The following NCR2 variants were observed in gnomAD, a reference collection of about 807,000 sequenced individuals.
The protein encoded by NCR2 is natural cytotoxicity triggering receptor 2.
Under a neutral mutation model 30.7 loss-of-function variants are expected in NCR2, and 35 were observed. The observed-to-expected ratio is 1.14, with a 90% CI of 0.87 to 1.51. NCR2 has a LOEUF of 1.51. Ranked by LOEUF, NCR2 falls within the 40% of genes most tolerant of loss-of-function variation. The pLI is 0.00. For synonymous variants in NCR2, 146 were observed against 134.8 expected (o/e 1.08, Z -0.58); for missense variants, 316 against 328.9 (o/e 0.96, Z 0.30).
At chr6:41,347,440 G>A (rs1478069063) in intron 4 of NCR2, among the ~76,000 whole-genome samples, 6 of 152,154 alleles carry the variant, frequency 3.9e-5, no homozygotes, top group African/African-American at 9.7e-5. Context: ...CTTCTCTCTT[G>A]AAGCCACTCC....
chr6:41,342,291 A>C (rs2114057306), intron 4 of NCR2, 142 bp downstream of exon 4: 1 of 1,163,182 alleles, frequency 8.6e-7, no homozygotes, highest in East Asian at 2.6e-5. Flanking sequence ...GCCCTCATGG[A>C]GTCCATCCAT....
intron 4 of NCR2, among the ~76,000 whole-genome samples, chr6:41,348,961 A>C (rs1769367052): frequency 6.6e-6 from 1 of 151,814 alleles, no homozygotes; most frequent in Non-Finnish European, 1.5e-5. Context: ...TCTATGAAGC[A>C]CGCACCCTTA....
intron 4 of NCR2, 112 bp downstream of exon 4, chr6:41,342,261 G>A: frequency 7.0e-7 from 1 of 1,419,510 alleles, no homozygotes; most frequent in Non-Finnish European, 9.5e-7. Flanking sequence ...ATTATAATCG[G>A]CAGAGCTCTC....
intron 2 of NCR2, 58 bp from the exon 3 acceptor site, chr6:41,341,736 C>T (rs1261485537): frequency 6.5e-6 from 10 of 1,549,086 alleles, no homozygotes; most frequent in Admixed American, 1.9e-5. Context: ...GCTCTCCTGC[C>T]GGCAGGCACA....
Position 41,336,428 on chromosome 6 carries a change from G to A in NCR2, c.394G>A (p.Ala132Thr), listed in dbSNP as rs562959008. ...CAGATTCTATCTGGTGGTATCTCCAGGTGAGCTCTTTCCCTAGGGTCCTCA... is the reference window on the plus strand; with the variant it reads ...CAGATTCTATCTGGTGGTATCTCCAAGTGAGCTCTTTCCCTAGGGTCCTCA... ...SVRFYLVVSP[A>T]SASTQTSWTP... Residue 132 changes from alanine to threonine, a missense_variant and splice_region_variant, in exon 2 of 5, where the codon GCC becomes ACC. Ala to Thr is a moderately conservative substitution (Grantham distance 58). Transcript: ENST00000373089. 6.2e-7 allele frequency: 1 copy of A among 1,610,242 alleles called. No individual in the cohort carries two copies. Among genetic ancestry groups the A allele is most frequent in the Non-Finnish European group, 8.5e-7 (1 of 1,177,080 alleles).
At position 41,336,348 on chromosome 6, in the gene NCR2, G is replaced by A; in HGVS notation, c.314G>A (p.Gly105Glu). 1.2e-6 allele frequency: 2 copies of A among 1,614,032 alleles called. No homozygotes were observed. The highest frequency in any genetic ancestry group is 1.1e-5 in the South Asian group (1 of 91,084). ...TMTDLREEDSGHYWCRIYRPS... is the reference protein window; with the variant it reads ...TMTDLREEDSEHYWCRIYRPS... ...ACTGATCTGAGAGAGGAAGACTCAG[G>A]ACATTACTGGTGTAGAATCTACCGC... The change falls in exon 2 of 5, where the codon GGA (glycine) becomes GAA (glutamate). Residue 105 changes from glycine to glutamate, a missense_variant. Transcript: ENST00000373089.
At chr6:41,342,719 G>T (rs144488253) in intron 4 of NCR2, among the ~76,000 whole-genome samples, 6 of 152,272 alleles carry the variant, frequency 3.9e-5, no homozygotes, top group African/African-American at 7.2e-5. Context: ...GAGGGAGAGA[G>T]GGTAGACACA....
At chr6:41,338,222 C>T (rs3789206) in intron 2 of NCR2, among the ~76,000 whole-genome samples, 99,327 of 152,082 alleles carry the variant, frequency 0.65, 32,903 homozygotes, top group East Asian at 0.85. Flanking sequence ...AGGAATTCTT[C>T]CTATAGATGA....
chr6:41,338,718 T>G (rs568106235), intron 2 of NCR2, among the ~76,000 whole-genome samples: 1 of 152,374 alleles, frequency 6.6e-6, no homozygotes, highest in South Asian at 2.1e-4. Flanking sequence ...TGAAAAATAC[T>G]TTGCTAGCTT....
chr6:41,347,996 T>C (rs1020400979), intron 4 of NCR2, among the ~76,000 whole-genome samples: 2 of 152,198 alleles, frequency 1.3e-5, no homozygotes, highest in African/African-American at 2.4e-5. Flanking sequence ...GAGGAAGTCA[T>C]AGTGCCATTA....
rs759498813 is a variant in NCR2, at chr6:41,336,222, G to C, written c.188G>C (p.Cys63Ser). 5 of 1,614,186 alleles carry C rather than the reference G, an allele frequency of 3.1e-6. No individual in the cohort carries two copies. Among genetic ancestry groups the C allele is most frequent in the Admixed American group, 1.7e-5 (1 of 60,030 alleles). ...TGTAAGGAGGCTTCAGCACTTGTGT[G>C]CATCAGGTTAGTCACCAGCTCCAAG... ...GWCKEASALV[C>S]IRLVTSSKPR... Residue 63 changes from cysteine (C) to serine (S), a missense_variant, in exon 2 of 5, where the codon TGC (cysteine) becomes TCC (serine). Transcript: ENST00000373089.
rs375807854 is a variant in NCR2 at position 41,350,711 on chromosome 6, C to T, written c.678C>T (p.Leu226=). 1 of 1,613,908 alleles carries T rather than the reference C, an allele frequency of 6.2e-7. No homozygotes were observed. The highest frequency in any genetic ancestry group is 8.5e-7 in the Non-Finnish European group (1 of 1,179,972). Residue 226 remains leucine (L), a synonymous_variant, in exon 5 of 5, where the codon CTC becomes CTT. Coordinates refer to ENST00000373089, the MANE Select transcript of NCR2 (RefSeq NM_004828.4). ...GDIWWKTMME[L]RSLDTQKATC... Reference sequence around the variant, plus strand: ...TATGGTGGAAAACCATGATGGAGCTCAGGAGCCTGGATACCCAAAAAGCCA... The same window carrying T: ...TATGGTGGAAAACCATGATGGAGCTTAGGAGCCTGGATACCCAAAAAGCCA...
chr6:41,343,313 A>T (rs1288466479), intron 4 of NCR2, among the ~76,000 whole-genome samples: 1 of 152,164 alleles, frequency 6.6e-6, no homozygotes, highest in Non-Finnish European at 1.5e-5. Context: ...ATAGCCCCTG[A>T]TAAAAGAAAA....
At chr6:41,347,309 CTA>C (rs1284529869) in intron 4 of NCR2, among the ~76,000 whole-genome samples, 1 of 152,218 alleles carries the variant, frequency 6.6e-6, no homozygotes, top group Non-Finnish European at 1.5e-5. Context: ...TAAATGGGCT[CTA>C]ATATATTAAA....
chr6:41,335,746 C>A lies in NCR2; in HGVS notation c.-131C>A. The A allele has an allele frequency of 9.6e-7, 1 of 1,043,972 alleles. No individual in the cohort carries two copies. The highest frequency in any genetic ancestry group is 1.5e-6 in the Non-Finnish European group (1 of 687,804). The allele number at this position is 1,043,972 out of a possible 1,614,324, so 64.7% of individuals were successfully genotyped here. Reference sequence around the variant, plus strand: ...CTTTGCAGTCTCCCATCTCCCCAACCCAGGCCTCAGCCTGTCTCATTTTTC... The same window carrying A: ...CTTTGCAGTCTCCCATCTCCCCAACACAGGCCTCAGCCTGTCTCATTTTTC... On this transcript the variant is annotated 5_prime_UTR_variant, in exon 1 of 5. Transcript: ENST00000373089.
At chr6:41,350,472 G>A (rs1048360502) in intron 4 of NCR2, among the ~76,000 whole-genome samples, 4 of 152,156 alleles carry the variant, frequency 2.6e-5, no homozygotes, top group Admixed American at 6.5e-5. Flanking sequence ...ATCAGGGTGA[G>A]GAAACTGACC....
intron 2 of NCR2, among the ~76,000 whole-genome samples, chr6:41,339,286 T>C (rs926106991): frequency 6.6e-6 from 1 of 152,154 alleles, no homozygotes; most frequent in Non-Finnish European, 1.5e-5. Context: ...GGTCTTGAAC[T>C]CGTGACCTCA....
intron 2 of NCR2, among the ~76,000 whole-genome samples, chr6:41,337,391 C>G (rs1485012861): frequency 6.6e-6 from 1 of 152,128 alleles, no homozygotes; most frequent in Non-Finnish European, 1.5e-5. Flanking sequence ...TAACGGTATA[C>G]CCATAACGTT....
At chr6:41,342,253 T>C in intron 4 of NCR2, 104 bp downstream of exon 4, 1 of 1,470,058 alleles carries the variant, frequency 6.8e-7, no homozygotes, top group South Asian at 1.3e-5. Flanking sequence ...AGGTGGAAAT[T>C]ATAATCGGCA....
Sources: allele counts gnomAD v4.1 joint callset (sites outside exome capture counted in the v4.1 genomes callset), GRCh38; gene constraint gnomAD v4.1.1; transcripts MANE v1.5; gene names NCBI Gene and HGNC (gene_info 2026-07-23, HGNC 2026-07-21).